The following TNNI3K variants were observed in gnomAD, a reference collection of about 807,000 sequenced individuals.
The protein encoded by TNNI3K is serine/threonine-protein kinase TNNI3K.
TNNI3K carries 140 observed loss-of-function variants against 114.5 expected under a neutral mutation model. The ratio of observed to expected loss-of-function variants is 1.22; its 90% CI spans 1.07 to 1.41. TNNI3K has a LOEUF of 1.41. Among genes scored for constraint, TNNI3K ranks in the 40% most tolerant of loss-of-function variants. The probability of loss-of-function intolerance (pLI) is 0.00; values close to 1 mark genes in which losing one functional copy is unlikely to be tolerated. For missense variants in TNNI3K, 1,125 were observed against 1,007.6 expected (o/e 1.12, Z -1.58); for synonymous variants, 347 against 347.5 (o/e 1.00, Z 0.02).
At chr1:74,473,978 A>C (rs1668062353) in intron 21 of TNNI3K, among the ~76,000 whole-genome samples, 2 of 152,158 alleles carry the variant, frequency 1.3e-5, no homozygotes, top group African/African-American at 4.8e-5. Flanking sequence ...GTTCTGGAGC[A>C]GATGTGACCT....
intron 21 of TNNI3K, among the ~76,000 whole-genome samples, chr1:74,477,911 A>G (rs1570673341): frequency 6.6e-6 from 1 of 152,364 alleles, no homozygotes; most frequent in East Asian, 1.9e-4. Flanking sequence ...TTATTGAAAC[A>G]TTAGAAACAC....
intron 21 of TNNI3K, among the ~76,000 whole-genome samples, chr1:74,485,435 C>T (rs983031789): frequency 3.9e-5 from 6 of 152,180 alleles, no homozygotes; most frequent in African/African-American, 1.4e-4. Context: ...AATTTACACA[C>T]AGACTCCAGG....
intron 9 of TNNI3K, among the ~76,000 whole-genome samples, chr1:74,348,450 C>A (rs1661142261): frequency 6.6e-6 from 1 of 152,150 alleles, no homozygotes; most frequent in South Asian, 2.1e-4. Context: ...CAACTTTGTT[C>A]TTTTTGCTTA....
rs1174272489 is a variant in TNNI3K at position 74,446,614 on chromosome 1, C to A, written c.2011+6992C>A. Among the ~76,000 whole-genome samples the A allele has an allele frequency of 2.7e-5, 4 of 150,504 alleles. No individual in the cohort carries two copies. The East Asian group carries it at 7.8e-4, about 29-fold the overall frequency. On this transcript the variant is annotated intron_variant, in intron 20 of 24. Coordinates refer to ENST00000326637, the MANE Select transcript of TNNI3K (RefSeq NM_015978.3). ...GGTGCTTTGGACATGAAATCCTTGC[C>A]CATGCCTATGTCCTGAATGGTAATG...
intron 5 of TNNI3K, among the ~76,000 whole-genome samples, chr1:74,324,624 A>G (rs1348711513): frequency 2.6e-5 from 4 of 152,286 alleles, no homozygotes; most frequent in Middle Eastern, 3.4e-3. Flanking sequence ...AGGGCAGCAC[A>G]CCTTACAGGG....
At chr1:74,332,499 A>C (rs943653375) in intron 6 of TNNI3K, among the ~76,000 whole-genome samples, 2 of 151,948 alleles carry the variant, frequency 1.3e-5, no homozygotes, top group Non-Finnish European at 2.9e-5. Flanking sequence ...ACGGGGTTTC[A>C]CCATGTTAGC....
chr1:74,542,001 C>A (rs1030528199), intron 24 of TNNI3K, among the ~76,000 whole-genome samples: 2 of 152,170 alleles, frequency 1.3e-5, no homozygotes, highest in African/African-American at 4.8e-5. Flanking sequence ...TACTTGAGAC[C>A]TTTTACCTTA....
chr1:74,360,097 TC>T (rs1279997019), intron 11 of TNNI3K, among the ~76,000 whole-genome samples: 1 of 151,964 alleles, frequency 6.6e-6, no homozygotes, highest in Admixed American at 6.6e-5. Flanking sequence ...CATCCTTTTT[TC>T]TTTTTTTTTA....
intron 17 of TNNI3K, chr1:74,370,916 T>C (rs1440435464): frequency 1.3e-5 from 2 of 151,874 alleles, no homozygotes; most frequent in Non-Finnish European, 1.5e-5. Context: ...TTTTCCTAAA[T>C]AGTGAAAACT....
At chr1:74,528,743 C>G (rs976464329) in intron 23 of TNNI3K, among the ~76,000 whole-genome samples, 1 of 152,348 alleles carries the variant, frequency 6.6e-6, no homozygotes, top group East Asian at 1.9e-4. Flanking sequence ...TGCATATGCT[C>G]TAGCTGTTTC....
chr1:74,272,627 G>A (rs921719992), intron 5 of TNNI3K, among the ~76,000 whole-genome samples: 3 of 151,830 alleles, frequency 2.0e-5, no homozygotes, highest in African/African-American at 4.8e-5. Flanking sequence ...GTCTGGTGAT[G>A]AATGGTTCCA....
chr1:74,483,530 T>C (rs1258177610), intron 21 of TNNI3K, among the ~76,000 whole-genome samples: 2 of 152,212 alleles, frequency 1.3e-5, no homozygotes, highest in Admixed American at 6.5e-5. Context: ...CTACATTCCT[T>C]AATTTGCATA....
chr1:74,491,707 A>G (rs1180754247), intron 22 of TNNI3K, among the ~76,000 whole-genome samples: 3 of 152,218 alleles, frequency 2.0e-5, no homozygotes, highest in Admixed American at 1.3e-4. Flanking sequence ...GAATAATTTC[A>G]TGTAAAGGGA....
chr1:74,255,339 G>T (rs1435629595), intron 4 of TNNI3K, among the ~76,000 whole-genome samples: 7 of 132,016 alleles, frequency 5.3e-5, no homozygotes, highest in African/African-American at 1.7e-4. Flanking sequence ...GGGCGACAGA[G>T]CGAGACTCCG....
rs192223887 is a variant in TNNI3K, at chr1:74,254,912, G to T, written c.333+4143G>T. Among the ~76,000 whole-genome samples, 9 of 152,236 alleles carry T rather than the reference G, an allele frequency of 5.9e-5. No individual in the cohort carries two copies. In the East Asian group the frequency reaches 1.7e-3, roughly 29 times the overall value. ...CATGGGGAGATGTGTTCTGCTGCAA[G>T]GGTTTGTGATAACATATTAATTTTC... On this transcript the variant is annotated intron_variant, in intron 4 of 24. Coordinates refer to ENST00000326637, the MANE Select transcript of TNNI3K (RefSeq NM_015978.3).
chr1:74,312,995 G>C (rs758561086), intron 5 of TNNI3K, among the ~76,000 whole-genome samples: 1 of 152,230 alleles, frequency 6.6e-6, no homozygotes, highest in Non-Finnish European at 1.5e-5. Flanking sequence ...TCTGTACCTA[G>C]GCAGACAGTA....
At chr1:74,308,949 CA>C (rs1208466352) in intron 5 of TNNI3K, among the ~76,000 whole-genome samples, 1 of 151,992 alleles carries the variant, frequency 6.6e-6, no homozygotes, top group Non-Finnish European at 1.5e-5. Context: ...AAGACTGAAC[CA>C]GGAAGAAATT....
intron 23 of TNNI3K, among the ~76,000 whole-genome samples, chr1:74,538,511 GA>G (rs1646687832): frequency 6.6e-6 from 1 of 152,150 alleles, no homozygotes; most frequent in East Asian, 1.9e-4. Flanking sequence ...TGTGTGGAAA[GA>G]ATATGGAGGG....
At chr1:74,521,473 T>A (rs1570736616) in intron 23 of TNNI3K, among the ~76,000 whole-genome samples, 1 of 120,930 alleles carries the variant, frequency 8.3e-6, no homozygotes, top group Admixed American at 8.1e-5. Context: ...CTTATCTCTC[T>A]CACACACACA....
Sources: gnomAD v4.1 joint callset for allele counts (sites outside exome capture counted in the v4.1 genomes callset) on GRCh38, gnomAD v4.1.1 for gene constraint, MANE v1.5 for transcripts, NCBI Gene and HGNC (gene_info 2026-07-23, HGNC 2026-07-21) for gene names.